The following PLXNA2 variants were observed in gnomAD, a reference collection of about 807,000 sequenced individuals.
The protein encoded by PLXNA2 is plexin-A2.
In PLXNA2, 91 loss-of-function variants were observed where a neutral mutation model predicts 193.5. That is an observed-to-expected ratio of 0.47 (90% CI 0.40 to 0.56). The LOEUF (loss-of-function observed/expected upper bound fraction) is 0.56. PLXNA2 is among the 20% of genes least tolerant of loss of function. The pLI is 0.00. For synonymous variants in PLXNA2, 997 were observed against 1,027.3 expected (o/e 0.97, Z 0.56); for missense variants, 1,995 against 2,503.2 (o/e 0.80, Z 4.33).
intron 3 of PLXNA2, among the ~76,000 whole-genome samples, chr1:208,152,353 G>A (rs761541761): frequency 3.3e-5 from 5 of 152,170 alleles, no homozygotes; most frequent in Non-Finnish European, 7.4e-5. Flanking sequence ...CCATGCCATC[G>A]AATCTCTCTT....
In PLXNA2 at chr1:208,031,612, G is replaced by A. The variant is rs761831822; in HGVS notation, c.5203C>T (p.Arg1735Trp). The change falls in exon 29 of 32, where the codon CGG becomes TGG. Residue 1735 changes from arginine (R) to tryptophan (W), a missense_variant. By Grantham distance (101) the Arg-to-Trp change is moderately radical. Around this residue, in one of 3 missense-constraint regions of PLXNA2, gnomAD observed 1,291 missense variants for 1,673.6 expected, o/e 0.77. Transcript: ENST00000367033. ...DRHSIHDTDV[R>W]HTWKSNCLPL... ...TACCAGTTGCTTTTCCAGGTGTGCC[G>A]CACATCTGTGTCATGGATGCTGTGC... is the stretch of plus-strand genomic sequence containing the variant. The A allele has an allele frequency of 1.6e-5, 26 of 1,613,854 alleles. No individual in the cohort carries two copies. The highest frequency in any genetic ancestry group is 4.5e-5 in the East Asian group (2 of 44,888).
chr1:208,032,760 G>A (rs1664542285), intron 28 of PLXNA2, among the ~76,000 whole-genome samples: 2 of 152,148 alleles, frequency 1.3e-5, no homozygotes, highest in African/African-American at 4.8e-5. Flanking sequence ...TTACTGGCAG[G>A]GCCAGGCCTC....
At chr1:208,182,831 T>C (rs1258435831) in intron 3 of PLXNA2, among the ~76,000 whole-genome samples, 1 of 152,014 alleles carries the variant, frequency 6.6e-6, no homozygotes, top group Non-Finnish European at 1.5e-5. Context: ...TAGAGGAGAC[T>C]CTGGCTGCTG....
chr1:208,045,310 T>C, intron 18 of PLXNA2, 100 bp from the exon 19 acceptor site: 1 of 1,273,236 alleles, frequency 7.9e-7, no homozygotes, highest in African/African-American at 1.5e-5. Flanking sequence ...AGGGCAGCAG[T>C]GCAAAAACCA....
intron 3 of PLXNA2, among the ~76,000 whole-genome samples, chr1:208,194,768 G>C (rs1427196950): frequency 6.6e-6 from 1 of 152,166 alleles, no homozygotes; most frequent in Non-Finnish European, 1.5e-5. Context: ...CTTTGCTTTT[G>C]AATGCTGTTT....
intron 4 of PLXNA2, among the ~76,000 whole-genome samples, chr1:208,109,697 T>A (rs1303126027): frequency 6.6e-6 from 1 of 152,136 alleles, no homozygotes; most frequent in African/African-American, 2.4e-5. Flanking sequence ...TGGAGGAGAA[T>A]CCTCCACGGC....
intron 12 of PLXNA2, among the ~76,000 whole-genome samples, chr1:208,062,688 T>C (rs182143357): frequency 6.6e-6 from 1 of 152,064 alleles, no homozygotes; most frequent in Non-Finnish European, 1.5e-5. Flanking sequence ...ACACATGAAA[T>C]GAATCAAGGG....
At chr1:208,231,269 A>T (rs1483499449) in intron 1 of PLXNA2, among the ~76,000 whole-genome samples, 1 of 151,990 alleles carries the variant, frequency 6.6e-6, no homozygotes, top group South Asian at 2.1e-4. Context: ...CCTGAGTGAG[A>T]ATCTGGCCCT....
At chr1:208,195,742 T>G (rs1227162038) in intron 3 of PLXNA2, among the ~76,000 whole-genome samples, 1 of 152,028 alleles carries the variant, frequency 6.6e-6, no homozygotes, top group Non-Finnish European at 1.5e-5. Context: ...CAGGGGTGTC[T>G]GCTGAGCTCA....
At chr1:208,120,594 C>A (rs11799530) in intron 4 of PLXNA2, among the ~76,000 whole-genome samples, 12,368 of 152,268 alleles carry the variant, frequency 0.081, 578 homozygotes, top group Middle Eastern at 0.099. Context: ...TAGGCACATG[C>A]CTTGGTAAGA....
chr1:208,052,518 A>G (rs1665298248), intron 14 of PLXNA2, 55 bp from the exon 15 acceptor site: 1 of 1,575,402 alleles, frequency 6.3e-7, no homozygotes, highest in South Asian at 1.1e-5. Flanking sequence ...AAAAGGATGG[A>G]CCATGGTTAG....
At chr1:208,076,039 C>G (rs1283859153) in intron 12 of PLXNA2, among the ~76,000 whole-genome samples, 1 of 134,768 alleles carries the variant, frequency 7.4e-6, no homozygotes, top group Non-Finnish European at 1.6e-5. Context: ...GCCTGGGCGA[C>G]AGAGTGAGAC....
intron 3 of PLXNA2, among the ~76,000 whole-genome samples, chr1:208,169,571 A>G (rs1161846134): frequency 6.6e-6 from 1 of 152,244 alleles, no homozygotes; most frequent in African/African-American, 2.4e-5. Flanking sequence ...GCAAGTGGAC[A>G]AAGGGCTGGA....
chr1:208,037,877 T>A (rs962632201), intron 26 of PLXNA2, among the ~76,000 whole-genome samples: 4 of 151,268 alleles, frequency 2.6e-5, no homozygotes, highest in Non-Finnish European at 5.9e-5. Context: ...AAAGCCTGAG[T>A]AATTTTCCCA....
At chr1:208,173,759 T>C (rs1377203374) in intron 3 of PLXNA2, among the ~76,000 whole-genome samples, 1 of 152,194 alleles carries the variant, frequency 6.6e-6, no homozygotes, top group East Asian at 1.9e-4. Flanking sequence ...TGAACTAGCA[T>C]TGGCCAGCCA....
At position 208,034,704 on chromosome 1, in the gene PLXNA2, G is replaced by A. The variant is rs539153646; in HGVS notation, c.4765-112C>T. The stretch of plus-strand genomic sequence containing the variant: ...AGATAGCTGTGGGGTAGAGAGCAAG[G>A]AGTACAGGAATACCAGAAACAACCA... On this transcript the variant is annotated intron_variant, in intron 26 of 31. Transcript: ENST00000367033. The A allele has an allele frequency of 4.5e-6, 3 of 671,934 alleles. No individual in the cohort carries two copies. In the East Asian group the frequency reaches 8.3e-5, roughly 19 times the overall value. 41.6% of individuals were successfully genotyped at this position (671,934 alleles called of 1,614,324 possible). A position where few individuals can be genotyped will look rare whatever the true frequency, so the allele number is the denominator to read the frequency against.
At chr1:208,184,884 C>T (rs1036450083) in intron 3 of PLXNA2, among the ~76,000 whole-genome samples, 1 of 152,206 alleles carries the variant, frequency 6.6e-6, no homozygotes, top group African/African-American at 2.4e-5. Context: ...GCTAAATAGG[C>T]AAGCCTCCCA....
At chr1:208,124,923 G>A (rs1172853724) in intron 4 of PLXNA2, among the ~76,000 whole-genome samples, 1 of 152,132 alleles carries the variant, frequency 6.6e-6, no homozygotes, top group Admixed American at 6.5e-5. Flanking sequence ...GCTAGAGAAC[G>A]AGGGCAGAAG....
At chr1:208,220,528 G>A (rs1055355411) in intron 1 of PLXNA2, among the ~76,000 whole-genome samples, 1 of 151,982 alleles carries the variant, frequency 6.6e-6, no homozygotes, top group African/African-American at 2.4e-5. Context: ...CGCCTCCCTG[G>A]TTCAAGCGAT....
Sources: allele counts gnomAD v4.1 joint callset (sites outside exome capture counted in the v4.1 genomes callset), GRCh38; gene constraint gnomAD v4.1.1; regional missense constraint gnomAD v4.1.1; transcripts MANE v1.5; gene names NCBI Gene and HGNC (gene_info 2026-07-23, HGNC 2026-07-21).